The following DLGAP2 variants were observed in gnomAD, a reference collection of about 807,000 sequenced individuals.
DLGAP2 encodes disks large-associated protein 2.
In DLGAP2, 26 loss-of-function variants were observed where a neutral mutation model predicts 100.3. The ratio of observed to expected loss-of-function variants is 0.26; its 90% CI spans 0.19 to 0.36. The LOEUF (loss-of-function observed/expected upper bound fraction) is 0.36, where lower values mean the gene tolerates loss of function less well. Ranked by LOEUF, DLGAP2 falls within the 10% of genes least tolerant of loss-of-function variation. DLGAP2 has a pLI of 1.00. For synonymous variants in DLGAP2, 886 were observed against 630.1 expected, an observed-to-expected ratio of 1.41 and a Z score of -6.08; for missense variants, 1,858 against 1,453.2, an observed-to-expected ratio of 1.28 and a Z score of -4.53.
At chr8:1,541,095 C>T (rs983431125) in intron 4 of DLGAP2, among the ~76,000 whole-genome samples, 6 of 152,128 alleles carry the variant, frequency 3.9e-5, no homozygotes, top group African/African-American at 1.2e-4. Context: ...ATGTGTTATT[C>T]GGAGCAATTC....
At chr8:1,106,734 C>A (rs1486801138) in intron 2 of DLGAP2, among the ~76,000 whole-genome samples, 1 of 151,182 alleles carries the variant, frequency 6.6e-6, no homozygotes, top group African/African-American at 2.4e-5. Context: ...GAGAGCCATT[C>A]TAGGAGGGTT....
intron 2 of DLGAP2, among the ~76,000 whole-genome samples, chr8:1,077,232 T>G (rs142132790): frequency 0.014 from 2,141 of 152,316 alleles, 28 homozygotes; most frequent in Non-Finnish European, 0.022. Context: ...CACTCCAGCA[T>G]GACCTCACCT....
At chr8:1,595,341 C>A (rs13269730) in intron 6 of DLGAP2, among the ~76,000 whole-genome samples, 53,681 of 151,882 alleles carry the variant, frequency 0.35, 9,934 homozygotes, top group Non-Finnish European at 0.41. Context: ...TAGGTTCCCA[C>A]CTCAAAAATC....
chr8:918,684 A>G (rs996780388), intron 2 of DLGAP2, among the ~76,000 whole-genome samples: 5 of 152,150 alleles, frequency 3.3e-5, no homozygotes, highest in Non-Finnish European at 7.3e-5. Context: ...GTGTTAACCC[A>G]CCCTGTTATT....
chr8:1,340,903 T>C (rs1801402512), intron 3 of DLGAP2, among the ~76,000 whole-genome samples: 1 of 152,238 alleles, frequency 6.6e-6, no homozygotes. Flanking sequence ...TATGCAGACA[T>C]AAAAAAGAAT....
At chr8:885,935 C>A (rs1797913269) in intron 1 of DLGAP2, among the ~76,000 whole-genome samples, 1 of 152,112 alleles carries the variant, frequency 6.6e-6, no homozygotes, top group South Asian at 2.1e-4. Context: ...AGGGAGGAGT[C>A]CCTCCTTTTC....
intron 2 of DLGAP2, among the ~76,000 whole-genome samples, chr8:1,036,366 C>A (rs1016110795): frequency 6.6e-6 from 1 of 152,242 alleles, no homozygotes; most frequent in African/African-American, 2.4e-5. Context: ...GACACAAGAC[C>A]CCCCGACGTG....
chr8:1,688,521 C>T lies in DLGAP2; in HGVS notation c.2705-3014C>T, dbSNP rs1251306048. 5 of 152,132 alleles carry T rather than the reference C, an allele frequency of 3.3e-5. No individual in the cohort carries two copies. In the East Asian group the frequency reaches 7.7e-4, roughly 24 times the overall value. The allele number at this position is 152,132 out of a possible 1,614,324, so 9.4% of individuals were successfully genotyped here. ...GGGGGTGACAGTGGCCCTGGGTCTA[C>T]AAGGTGGTCGCAGGTAAAGGCCTCA... On this transcript the variant is annotated intron_variant, in intron 12 of 14. Coordinates refer to ENST00000637795, the MANE Select transcript of DLGAP2 (RefSeq NM_001346810.2).
chr8:1,126,139 G>A (rs1038085126), intron 2 of DLGAP2, among the ~76,000 whole-genome samples: 6 of 152,232 alleles, frequency 3.9e-5, no homozygotes, highest in Admixed American at 3.9e-4. Context: ...GTGAGGCAGT[G>A]GTGCCGTGGA....
At chr8:1,053,622 G>A (rs1351346616) in intron 2 of DLGAP2, among the ~76,000 whole-genome samples, 4 of 152,248 alleles carry the variant, frequency 2.6e-5, no homozygotes, top group African/African-American at 7.2e-5. Flanking sequence ...GAGGAATTCC[G>A]TGGATGTGTA....
chr8:882,793 C>T (rs969984748), intron 1 of DLGAP2, among the ~76,000 whole-genome samples: 7 of 152,276 alleles, frequency 4.6e-5, no homozygotes, highest in African/African-American at 1.4e-4. Context: ...GCAGCCGTGC[C>T]TGGCCCAGCG....
intron 2 of DLGAP2, chr8:1,137,636 C>G (rs1796444897): frequency 1.3e-5 from 2 of 152,222 alleles, no homozygotes; most frequent in Non-Finnish European, 2.9e-5. Flanking sequence ...GCCCGGGTCA[C>G]TGTCTTTCTA....
intron 2 of DLGAP2, among the ~76,000 whole-genome samples, chr8:1,114,990 T>A (rs964889573): frequency 2.0e-5 from 3 of 152,276 alleles, no homozygotes; most frequent in Non-Finnish European, 4.4e-5. Flanking sequence ...AATTTCCATG[T>A]AATTTCATGG....
chr8:1,059,249 C>A (rs897738663), intron 2 of DLGAP2, among the ~76,000 whole-genome samples: 2 of 152,088 alleles, frequency 1.3e-5, no homozygotes, highest in African/African-American at 4.8e-5. Flanking sequence ...CCTGCCCACT[C>A]ACCCCTCGGG....
At position 1,177,392 on chromosome 8, in the gene DLGAP2, C is replaced by G. The variant is rs149211060; in HGVS notation, c.74-81459C>G. ...ATCGAAAAATGTGTGGTCTCCTGGCCCGAGTTCTGCCATCTGTTGTCAGGA... is the reference window on the plus strand; with the variant it reads ...ATCGAAAAATGTGTGGTCTCCTGGCGCGAGTTCTGCCATCTGTTGTCAGGA... On this transcript the variant is annotated intron_variant, in intron 2 of 14. Transcript: ENST00000637795. 3.8e-3 allele frequency among the ~76,000 whole-genome samples: 576 copies of G among 152,006 alleles called. 4 individuals are homozygous for G. Among genetic ancestry groups the G allele is most frequent in the Non-Finnish European group, 5.8e-3 (397 of 68,000 alleles).
chr8:1,449,238 C>T (rs751873657), intron 3 of DLGAP2, among the ~76,000 whole-genome samples: 12 of 152,212 alleles, frequency 7.9e-5, no homozygotes, highest in Admixed American at 2.0e-4. Context: ...GGTTTTTACA[C>T]GTACCAATGA....
rs1799486708 is a variant in DLGAP2, at chr8:1,267,593, T to TATAAAATAAAATAAAATAAA, written c.106+8711_106+8712insTAAAATAAAATAAAATAAAA. 2.9e-4 allele frequency among the ~76,000 whole-genome samples: 10 copies of TATAAAATAAAATAAAATAAA among 34,456 alleles called. 1 individual carries two copies. Among genetic ancestry groups the TATAAAATAAAATAAAATAAA allele is most frequent in the African/African-American group, 1.2e-3 (10 of 8,252 alleles). 22.6% of individuals were successfully genotyped at this position (34,456 alleles called of 152,430 possible). A position where few individuals can be genotyped will look rare whatever the true frequency, so the allele number is the denominator to read the frequency against. ...TAAAATAAAATAAAATAAAATAAGATAAGATAAGATAAGATAAGATAAGAT... is the reference window on the plus strand; with the variant it reads ...TAAAATAAAATAAAATAAAATAAGATATAAAATAAAATAAAATAAAAAGATAAGATAAGATAAGATAAGAT... On this transcript the variant is annotated intron_variant, in intron 3 of 14. Coordinates refer to ENST00000637795, the MANE Select transcript of DLGAP2 (RefSeq NM_001346810.2).
rs535885985 is a variant in DLGAP2 at position 822,139 on chromosome 8, C to T, written c.18+84314C>T. 39 of 399,632 alleles carry T rather than the reference C, an allele frequency of 9.8e-5. No homozygotes were observed. In the South Asian group the frequency reaches 1.0e-3, roughly 10 times the overall value. 24.8% of individuals were successfully genotyped at this position (399,632 alleles called of 1,614,324 possible). On this transcript the variant is annotated intron_variant, in intron 1 of 14. Transcript: ENST00000637795. ...GGCCCTAGCCCTGCGCGGCTTCCCTCGCGGCTGCTAACCCTCTGCCTGCGC... is the reference window on the plus strand; with the variant it reads ...GGCCCTAGCCCTGCGCGGCTTCCCTTGCGGCTGCTAACCCTCTGCCTGCGC...
chr8:1,448,098 C>T (rs910142347), intron 3 of DLGAP2, among the ~76,000 whole-genome samples: 5 of 152,110 alleles, frequency 3.3e-5, no homozygotes, highest in Non-Finnish European at 5.9e-5. Context: ...CAGTTCTGCT[C>T]TGATTTTAGT....
Sources: allele counts gnomAD v4.1 joint callset (sites outside exome capture counted in the v4.1 genomes callset), GRCh38; gene constraint gnomAD v4.1.1; transcripts MANE v1.5; gene names NCBI Gene and HGNC (gene_info 2026-07-23, HGNC 2026-07-21).